NUB1: variants seen among roughly 807,000 people sequenced by gnomAD.
The protein encoded by NUB1 is NEDD8 ultimate buster 1.
NUB1 carries 41 observed loss-of-function variants against 77.1 expected under a neutral mutation model. The observed-to-expected ratio is 0.53, with a 90% confidence interval of 0.41 to 0.69. NUB1 has a LOEUF of 0.69. NUB1 is among the 30% of genes least tolerant of loss of function. NUB1 has a pLI of 0.00. For missense variants in NUB1, 643 were observed against 743.8 expected, an observed-to-expected ratio of 0.86 and a Z score of 1.58; for synonymous variants, 257 against 281.0, an observed-to-expected ratio of 0.91 and a Z score of 0.85.
chr7:151,376,167 CTT>C (rs2150727022), intron 13 of NUB1: 1 of 528,108 alleles, frequency 1.9e-6, no homozygotes, highest in South Asian at 2.0e-5. Flanking sequence ...AGGAAGTTCT[CTT>C]TAGGTTTGCT....
At chr7:151,368,584 G>A in intron 10 of NUB1, 151 bp from the exon 11 acceptor site, 1 of 821,880 alleles carries the variant, frequency 1.2e-6, no homozygotes, top group Non-Finnish European at 1.8e-6. Context: ...ATTTGTACTT[G>A]TTAATAACAG....
intron 7 of NUB1, among the ~76,000 whole-genome samples, chr7:151,357,401 G>C (rs951368595): frequency 2.0e-5 from 3 of 152,122 alleles, no homozygotes; most frequent in African/African-American, 4.8e-5. Flanking sequence ...TGGGATTACA[G>C]GTGTGAGCCA....
chr7:151,372,425 C>T (rs1413781168), intron 11 of NUB1, among the ~76,000 whole-genome samples: 2 of 152,206 alleles, frequency 1.3e-5, no homozygotes, highest in African/African-American at 4.8e-5. Flanking sequence ...TAGGTAATGC[C>T]CAGGTCCGCT....
At chr7:151,354,348 G>A (rs926173659) in intron 5 of NUB1, among the ~76,000 whole-genome samples, 1 of 147,900 alleles carries the variant, frequency 6.8e-6, no homozygotes, top group African/African-American at 2.5e-5. Flanking sequence ...AATCAAGATG[G>A]CTTAACCACT....
At chr7:151,373,749 A>G (rs1358841633) in intron 11 of NUB1, among the ~76,000 whole-genome samples, 2 of 152,208 alleles carry the variant, frequency 1.3e-5, no homozygotes, top group Non-Finnish European at 2.9e-5. Context: ...CCTAGAAGAG[A>G]ATCCATGCAC....
Position 151,351,916 on chromosome 7 carries a change from A to ATCAC in NUB1, c.344+434_344+435insTCAC, listed in dbSNP as rs60437024. ...TTTCAGGCTGTTGGCCCATCTGTAA[A>ATCAC]ACACACACACACACACACACGTTTG... On this transcript the variant is annotated intron_variant, in intron 4 of 14. Transcript: ENST00000568733. Among the ~76,000 whole-genome samples, 268 of 151,114 alleles carry ATCAC rather than the reference A, an allele frequency of 1.8e-3. 1 individual carries two copies. The highest frequency in any genetic ancestry group is 0.01 in the Middle Eastern group (3 of 292).
intron 1 of NUB1, chr7:151,342,052 G>A (rs779929455): frequency 1.0e-6 from 1 of 959,182 alleles, no homozygotes; most frequent in South Asian, 3.2e-5. Context: ...GGCCGTTCGG[G>A]GCCCTTTGGT....
At chr7:151,351,252 A>G (rs1403583455) in intron 3 of NUB1, 172 bp from the exon 4 acceptor site, 4 of 606,614 alleles carry the variant, frequency 6.6e-6, no homozygotes, top group Non-Finnish European at 1.2e-5. Context: ...TGCAGGTCAC[A>G]GGGTCAGCCT....
intron 7 of NUB1, among the ~76,000 whole-genome samples, chr7:151,357,747 G>C (rs550639086): frequency 4.1e-4 from 61 of 148,822 alleles, no homozygotes; most frequent in African/African-American, 1.5e-3. Flanking sequence ...GTAGCTGGGA[G>C]TACAGGTGTG....
At chr7:151,372,883 C>T (rs1477282048) in intron 11 of NUB1, among the ~76,000 whole-genome samples, 1 of 152,058 alleles carries the variant, frequency 6.6e-6, no homozygotes, top group African/African-American at 2.4e-5. Flanking sequence ...GCAAAGGGAG[C>T]TGGCGCTGTG....
intron 10 of NUB1, 33 bp downstream of exon 10, chr7:151,368,001 C>A: frequency 1.6e-6 from 2 of 1,264,326 alleles, no homozygotes; most frequent in Non-Finnish European, 2.2e-6. Context: ...CAATTTTCAC[C>A]TCCTTTTAAA....
intron 8 of NUB1, 68 bp downstream of exon 8, chr7:151,360,315 G>A: frequency 1.3e-6 from 1 of 757,166 alleles, no homozygotes; most frequent in African/African-American, 1.7e-5. Flanking sequence ...AGAACACCCT[G>A]CCATGCCCTT....
chr7:151,346,643 G>T (rs73472490), intron 2 of NUB1, among the ~76,000 whole-genome samples: 2,068 of 152,298 alleles, frequency 0.014, 63 homozygotes, highest in African/African-American at 0.047. Context: ...TTCCAAATTG[G>T]TGAACACATC....
At chr7:151,348,169 T>C (rs1796593338) in intron 2 of NUB1, among the ~76,000 whole-genome samples, 2 of 152,234 alleles carry the variant, frequency 1.3e-5, no homozygotes, top group Non-Finnish European at 2.9e-5. Context: ...CTGGATTTTT[T>C]TGGGGAGGAA....
At chr7:151,363,580 A>G (rs942168277) in intron 8 of NUB1, among the ~76,000 whole-genome samples, 5 of 152,082 alleles carry the variant, frequency 3.3e-5, no homozygotes, top group African/African-American at 1.2e-4. Flanking sequence ...GAAGAAAAAA[A>G]TGGCCATTAA....
At position 151,356,170 on chromosome 7, in the gene NUB1, A is replaced by T. The variant is rs1462420596; in HGVS notation, c.641A>T (p.Asp214Val). Residue 214 changes from aspartate (D) to valine (V), a missense_variant, in exon 7 of 15, where the codon GAC becomes GTC. By Grantham distance (152) the Asp-to-Val change is radical. Transcript: ENST00000568733. ...VVDPEMTPYL[D>V]IANQTGRSIR... ...GATCCAGAAATGACACCGTACTTAGACATAGCTAACCAGACAGGCAGATCA... is the reference window on the plus strand; with the variant it reads ...GATCCAGAAATGACACCGTACTTAGTCATAGCTAACCAGACAGGCAGATCA... 1 of 1,613,994 alleles carries T rather than the reference A, an allele frequency of 6.2e-7. No individual in the cohort carries two copies. The highest frequency in any genetic ancestry group is 8.5e-7 in the Non-Finnish European group (1 of 1,179,862).
rs1337203247 is a variant in NUB1, at chr7:151,378,022, C to G, written c.*797C>G. 3 of 152,214 alleles carry G rather than the reference C, an allele frequency of 2.0e-5. No individual in the cohort carries two copies. The highest frequency in any genetic ancestry group is 7.2e-5 in the African/African-American group (3 of 41,430). 9.4% of individuals were successfully genotyped at this position (152,214 alleles called of 1,614,324 possible). A position where few individuals can be genotyped will look rare whatever the true frequency, so the allele number is the denominator to read the frequency against. On this transcript the variant is annotated 3_prime_UTR_variant, in exon 15 of 15. Transcript: ENST00000568733. ...CTGAACTCACTGCTAGCTAAGAGAC[C>G]TATCAGAGATTTAGATATATTTTCT...
chr7:151,342,790 G>A (rs1220541457), intron 1 of NUB1, among the ~76,000 whole-genome samples: 1 of 152,030 alleles, frequency 6.6e-6, no homozygotes, highest in Non-Finnish European at 1.5e-5. Context: ...ACACTCCTTC[G>A]TCCTTCTGTC....
intron 3 of NUB1, chr7:151,351,194 C>G: frequency 6.0e-6 from 3 of 503,526 alleles, no homozygotes; most frequent in Non-Finnish European, 1.0e-5. Flanking sequence ...GACGGCCCCT[C>G]TGAGCAGCCC....
Sources: allele counts gnomAD v4.1 joint callset (sites outside exome capture counted in the v4.1 genomes callset), GRCh38; gene constraint gnomAD v4.1.1; transcripts MANE v1.5; gene names NCBI Gene and HGNC (gene_info 2026-07-23, HGNC 2026-07-21).